Variants in THSD7B observed in about 807,000 individuals in gnomAD.
THSD7B encodes the protein thrombospondin type 1 domain containing 7B, also known as thrombospondin type-1 domain-containing protein 7B.
A neutral mutation model predicts 213.6 loss-of-function variants in THSD7B; 138 were observed. That is an observed-to-expected ratio of 0.65 (90% CI 0.56 to 0.74). The LOEUF is 0.74. Among genes scored for constraint, THSD7B ranks in the 30% least tolerant of loss-of-function variants. THSD7B has a pLI of 0.00. For missense variants in THSD7B, 1,931 were observed against 1,991.5 expected (o/e 0.97, Z 0.58); for synonymous variants, 742 against 687.0 (o/e 1.08, Z -1.25).
intron 7 of THSD7B, among the ~76,000 whole-genome samples, chr2:137,217,605 A>G (rs1681278215): frequency 6.6e-6 from 1 of 152,160 alleles, no homozygotes; most frequent in South Asian, 2.1e-4. Context: ...TATTCATAGC[A>G]GTAGAACCTT....
At chr2:137,147,496 G>A (rs1679725992) in intron 5 of THSD7B, among the ~76,000 whole-genome samples, 1 of 150,436 alleles carries the variant, frequency 6.6e-6, no homozygotes, top group South Asian at 2.1e-4. Flanking sequence ...ATTTATTTTA[G>A]AGACACAGAG....
chr2:137,146,747 A>T (rs1369918261), intron 5 of THSD7B, among the ~76,000 whole-genome samples: 1 of 152,134 alleles, frequency 6.6e-6, no homozygotes, highest in African/African-American at 2.4e-5. Flanking sequence ...GCATATGTTT[A>T]TTTGTGAAAA....
intron 12 of THSD7B, among the ~76,000 whole-genome samples, chr2:137,294,583 C>CAAAAAAAAAAAAAAAA (rs1210363889): frequency 2.7e-5 from 2 of 73,246 alleles, no homozygotes; most frequent in African/African-American, 9.9e-5. Context: ...AACTCCATCT[C>CAAAAAAAAAAAAAAAA]AAAAAAAAAA....
At chr2:137,319,831 C>T (rs892125335) in intron 12 of THSD7B, among the ~76,000 whole-genome samples, 5 of 151,982 alleles carry the variant, frequency 3.3e-5, no homozygotes, top group South Asian at 2.1e-4. Flanking sequence ...TGGCGGGTGG[C>T]GGGGGTGGTC....
At chr2:136,896,947 T>C (rs1451412605) in intron 2 of THSD7B, among the ~76,000 whole-genome samples, 2 of 121,016 alleles carry the variant, frequency 1.7e-5, no homozygotes, top group East Asian at 4.0e-4. Context: ...TATATACATA[T>C]ATATATATAT....
At chr2:137,067,897 T>G (rs1309636949) in intron 3 of THSD7B, among the ~76,000 whole-genome samples, 1 of 152,072 alleles carries the variant, frequency 6.6e-6, no homozygotes, top group African/African-American at 2.4e-5. Flanking sequence ...GCAGGGCTAC[T>G]GAAGGTATAC....
At chr2:136,814,409 T>C (rs1682437289) in intron 1 of THSD7B, among the ~76,000 whole-genome samples, 1 of 152,022 alleles carries the variant, frequency 6.6e-6, no homozygotes, top group Admixed American at 6.5e-5. Flanking sequence ...TTATTATTAT[T>C]ATTTTTTGAG....
intron 12 of THSD7B, among the ~76,000 whole-genome samples, chr2:137,355,190 A>G (rs1230899379): frequency 6.6e-6 from 1 of 152,180 alleles, no homozygotes; most frequent in Non-Finnish European, 1.5e-5. Flanking sequence ...AGAGCTTCAT[A>G]GTCTTGGGTT....
At chr2:137,383,376 G>T (rs369350476) in intron 12 of THSD7B, among the ~76,000 whole-genome samples, 68 of 152,132 alleles carry the variant, frequency 4.5e-4, no homozygotes, top group African/African-American at 1.6e-3. Context: ...CCACCCTGTG[G>T]GTGCATCTCC....
At chr2:136,805,868 C>A (rs902799157) in intron 1 of THSD7B, among the ~76,000 whole-genome samples, 1 of 152,232 alleles carries the variant, frequency 6.6e-6, no homozygotes, top group Non-Finnish European at 1.5e-5. Context: ...TAACAGCTCT[C>A]CTGTTGCTAG....
intron 1 of THSD7B, among the ~76,000 whole-genome samples, chr2:136,804,770 CCTT>C (rs1406873472): frequency 6.6e-6 from 1 of 152,132 alleles, no homozygotes; most frequent in Non-Finnish European, 1.5e-5. Context: ...TCAAAAATCT[CCTT>C]AAGTAAAAAA....
intron 5 of THSD7B, among the ~76,000 whole-genome samples, chr2:137,135,929 A>G (rs1382435621): frequency 1.3e-5 from 2 of 151,974 alleles, no homozygotes; most frequent in Non-Finnish European, 2.9e-5. Context: ...ACTACTTGAT[A>G]AAGAAAATGT....
At chr2:137,544,614 T>G (rs921246) in intron 15 of THSD7B, among the ~76,000 whole-genome samples, 11,083 of 151,878 alleles carry the variant, frequency 0.073, 448 homozygotes, top group African/African-American at 0.089. Context: ...ATGTATATAA[T>G]CCATGACTTT....
rs529100000 is a variant in THSD7B at position 137,400,597 on chromosome 2, G to C, written c.2501-5016G>C. Among the ~76,000 whole-genome samples, 5 of 152,224 alleles carry C rather than the reference G, an allele frequency of 3.3e-5. No individual in the cohort carries two copies. In the South Asian group the frequency reaches 1.0e-3, roughly 32 times the overall value. On this transcript the variant is annotated intron_variant, in intron 12 of 27. Coordinates refer to ENST00000409968, the MANE Select transcript of THSD7B (RefSeq NM_001316349.2). ...CTCTTGGGCAGCTGGGGTGGCATACGCAATGAGGGATGGCAGTGGTCATGA... is the reference window on the plus strand; with the variant it reads ...CTCTTGGGCAGCTGGGGTGGCATACCCAATGAGGGATGGCAGTGGTCATGA...
At chr2:137,572,784 A>G (rs1681383106) in intron 17 of THSD7B, among the ~76,000 whole-genome samples, 1 of 152,238 alleles carries the variant, frequency 6.6e-6, no homozygotes, top group African/African-American at 2.4e-5. Context: ...TCACAGTTAC[A>G]TGAACAAGGA....
intron 7 of THSD7B, among the ~76,000 whole-genome samples, chr2:137,224,437 T>C (rs2105047745): frequency 6.6e-6 from 1 of 152,318 alleles, no homozygotes; most frequent in East Asian, 1.9e-4. Context: ...ATGTTTAACT[T>C]ACCCAAGACA....
intron 2 of THSD7B, among the ~76,000 whole-genome samples, chr2:136,992,252 G>A (rs941116007): frequency 6.6e-6 from 1 of 152,204 alleles, no homozygotes. Flanking sequence ...CTCAAGTGTG[G>A]TAGATAAAAT....
At chr2:136,991,142 A>G (rs1361392462) in intron 2 of THSD7B, among the ~76,000 whole-genome samples, 1 of 152,238 alleles carries the variant, frequency 6.6e-6, no homozygotes, top group Non-Finnish European at 1.5e-5. Flanking sequence ...TTAGCATTTT[A>G]AAACTCAAGA....
intron 12 of THSD7B, among the ~76,000 whole-genome samples, chr2:137,404,468 T>TACACAC (rs1433746813): frequency 2.2e-4 from 16 of 73,114 alleles, no homozygotes; most frequent in South Asian, 1.2e-3. Context: ...TATATATATA[T>TACACAC]ATATATACAC....
Sources: gnomAD v4.1 joint callset for allele counts (sites outside exome capture counted in the v4.1 genomes callset) on GRCh38, gnomAD v4.1.1 for gene constraint, MANE v1.5 for transcripts, NCBI Gene and HGNC (gene_info 2026-07-23, HGNC 2026-07-21) for gene names.